RBPJ: variants seen among roughly 807,000 people sequenced by gnomAD.
RBPJ encodes recombination signal binding protein for immunoglobulin kappa J region, also known as recombining binding protein suppressor of hairless.
Under a neutral mutation model 67.8 loss-of-function variants are expected in RBPJ, and 9 were observed. The observed-to-expected ratio is 0.13, with a 90% CI of 0.08 to 0.23. The LOEUF (loss-of-function observed/expected upper bound fraction) is 0.23, where lower values mean the gene tolerates loss of function less well. Among genes scored for constraint, RBPJ ranks in the 10% least tolerant of loss-of-function variants. The pLI, the probability that RBPJ is intolerant of heterozygous loss-of-function variation, is 1.00. For missense variants in RBPJ, 305 were observed against 595.6 expected, an observed-to-expected ratio of 0.51 and a Z score of 5.08; for synonymous variants, 198 against 203.3, an observed-to-expected ratio of 0.97 and a Z score of 0.22.
rs193067892 is a variant in RBPJ at position 26,345,078 on chromosome 4, A to T, written c.20+24030A>T. On this transcript the variant is annotated intron_variant, in intron 1 of 10. Coordinates refer to ENST00000355476, the MANE Select transcript of RBPJ (RefSeq NM_015874.6). Reference sequence around the variant, plus strand: ...GTTCTTTTGTGTGGGACATGTTTTCATGAGGATTTTTGTGCACATTAAAAA... The same window carrying T: ...GTTCTTTTGTGTGGGACATGTTTTCTTGAGGATTTTTGTGCACATTAAAAA... Among the ~76,000 whole-genome samples the T allele has an allele frequency of 2.0e-5, 3 of 152,332 alleles. No homozygotes were observed. In the East Asian group the frequency reaches 5.8e-4, roughly 29 times the overall value.
At chr4:26,277,904 A>G (rs1333587591) in intron 1 of RBPJ, among the ~76,000 whole-genome samples, 2 of 152,208 alleles carry the variant, frequency 1.3e-5, no homozygotes, top group Non-Finnish European at 2.9e-5. Flanking sequence ...TCTAATCTTT[A>G]CAAGTTATTT....
At position 26,356,866 on chromosome 4, in the gene RBPJ, T is replaced by C. The variant is rs143396902; in HGVS notation, c.21-29487T>C. On this transcript the variant is annotated intron_variant, in intron 1 of 10. Transcript: ENST00000355476. The stretch of plus-strand genomic sequence containing the variant: ...GTGCAGTTATACTTTTGATAGATAC[T>C]GCCAAGTTGTTCTTATGTTTCTTTT... Among the ~76,000 whole-genome samples the C allele has an allele frequency of 1.6e-3, 247 of 152,348 alleles. 2 individuals carry two copies. The highest frequency in any genetic ancestry group is 5.7e-3 in the African/African-American group (236 of 41,582).
chr4:26,351,957 A>T (rs1168602090), intron 1 of RBPJ, among the ~76,000 whole-genome samples: 2 of 151,726 alleles, frequency 1.3e-5, no homozygotes, highest in Non-Finnish European at 2.9e-5. Context: ...GGTCGGGGGG[A>T]GGTGTGTGGT....
intron 1 of RBPJ, among the ~76,000 whole-genome samples, chr4:26,177,240 T>C (rs1256161667): frequency 1.3e-5 from 2 of 152,082 alleles, no homozygotes; most frequent in Admixed American, 1.3e-4. Context: ...GGAGGAGACA[T>C]GAGAGGGTGA....
At chr4:26,126,101 C>A in the RBPJ span, among the ~76,000 whole-genome samples, 1 of 152,162 alleles carries the variant, frequency 6.6e-6, no homozygotes, top group Non-Finnish European at 1.5e-5. Context: ...CCTGAAGGAG[C>A]AAACACCAGC....
intron 3 of RBPJ, among the ~76,000 whole-genome samples, chr4:26,411,657 A>G (rs1188002106): frequency 3.9e-5 from 6 of 152,066 alleles, no homozygotes; most frequent in East Asian, 1.9e-4. Flanking sequence ...AGCACTTTCA[A>G]GATAGAACCT....
In RBPJ at chr4:26,431,060, C is replaced by A. The variant is rs1736173984; in HGVS notation, c.*53C>A. ...TGACTTGAGTGTGGCAAAAAGTTAA[C>A]AAAAAAGGAGAAAAAATGAACAATC... On this transcript the variant is annotated 3_prime_UTR_variant, in exon 11 of 11. Transcript: ENST00000355476. 6.8e-6 allele frequency: 10 copies of A among 1,479,494 alleles called. No individual in the cohort carries two copies. In the Admixed American group the frequency reaches 1.1e-4, roughly 17 times the overall value. The allele number at this position is 1,479,494 out of a possible 1,614,324, so 91.6% of individuals were successfully genotyped here.
intron 1 of RBPJ, among the ~76,000 whole-genome samples, chr4:26,246,145 A>G (rs1456826820): frequency 1.3e-5 from 2 of 152,224 alleles, no homozygotes; most frequent in African/African-American, 4.8e-5. Flanking sequence ...CTGTGGATCA[A>G]TTTGGGAACT....
At chr4:26,412,596 G>A (rs73121197) in intron 3 of RBPJ, among the ~76,000 whole-genome samples, 4,468 of 151,796 alleles carry the variant, frequency 0.029, 247 homozygotes, top group African/African-American at 0.1. Context: ...AAGGTCTGGG[G>A]AAAAAAAATT....
At chr4:26,194,334 A>G (rs1432104415) in intron 1 of RBPJ, among the ~76,000 whole-genome samples, 1 of 152,214 alleles carries the variant, frequency 6.6e-6, no homozygotes, top group Non-Finnish European at 1.5e-5. Context: ...TCTCAGCCAG[A>G]TATAAACATG....
At chr4:26,361,455 T>C (rs1055391523) in intron 1 of RBPJ, among the ~76,000 whole-genome samples, 2 of 152,144 alleles carry the variant, frequency 1.3e-5, no homozygotes, top group East Asian at 3.9e-4. Context: ...CCTTAGCACT[T>C]ACTTTTTAGC....
Position 26,432,449 on chromosome 4 carries a change from C to T in RBPJ, c.*1442C>T, listed in dbSNP as rs1373943334. 2.6e-5 allele frequency: 4 copies of T among 152,118 alleles called. No homozygotes were observed. Among genetic ancestry groups the T allele is most frequent in the African/African-American group, 9.7e-5 (4 of 41,410 alleles). The allele number at this position is 152,118 out of a possible 1,614,324, so 9.4% of individuals were successfully genotyped here. ...TCTCTTTTCCAGTACTGAGCATCTC[C>T]ACAAATGTCTCCTAACTCAGAAAAT... On this transcript the variant is annotated 3_prime_UTR_variant, in exon 11 of 11. Transcript: ENST00000355476.
intron 1 of RBPJ, among the ~76,000 whole-genome samples, chr4:26,249,463 C>T (rs996722314): frequency 5.9e-5 from 9 of 152,040 alleles, no homozygotes; most frequent in Non-Finnish European, 1.0e-4. Context: ...AGTTCAAGAC[C>T]AGCCTGGCCA....
chr4:26,206,725 A>C (rs886518708), intron 1 of RBPJ, among the ~76,000 whole-genome samples: 10 of 147,466 alleles, frequency 6.8e-5, no homozygotes, highest in Non-Finnish European at 1.3e-4. Context: ...TTTCAAAACT[A>C]TAAAAACGAA....
Position 26,215,398 on chromosome 4 carries a change from G to GA in RBPJ, c.-167+51786dup, listed in dbSNP as rs1277946334. 9.2e-3 allele frequency among the ~76,000 whole-genome samples: 484 copies of GA among 52,488 alleles called. 6 individuals are homozygous for GA. The highest frequency in any genetic ancestry group is 0.035 in the African/African-American group (469 of 13,380). 34.4% of individuals were successfully genotyped at this position (52,488 alleles called of 152,430 possible). On this transcript the variant is annotated intron_variant, in intron 1 of 4. Coordinates refer to the RBPJ transcript ENST00000512351. ...AGAAGGGAGGGAGGGAGAGAGGAAG[G>GA]AAGGGGGGGGAAGGAAGGAAGGGAG...
rs1440542649 is a variant in RBPJ at position 26,424,060 on chromosome 4, AG to A, written c.497-281del. On this transcript the variant is annotated intron_variant, in intron 5 of 10. Coordinates refer to ENST00000355476, the MANE Select transcript of RBPJ (RefSeq NM_015874.6). The surrounding 1 kb of genome is among the most constrained non-coding windows in gnomAD (Gnocchi z 5.3). ...TTCTACTGTCTAACATTATTTTAAA[AG>A]TAAGTTTTTCTCTAATAATCAGCAC... 1.3e-5 allele frequency among the ~76,000 whole-genome samples: 2 copies of A among 152,224 alleles called. No homozygotes were observed. The highest frequency in any genetic ancestry group is 2.4e-5 in the African/African-American group (1 of 41,458).
intron 1 of RBPJ, among the ~76,000 whole-genome samples, chr4:26,347,311 T>C (rs146712028): frequency 8.6e-5 from 13 of 151,994 alleles, no homozygotes; most frequent in Admixed American, 8.5e-4. Flanking sequence ...ACCTTGGGAG[T>C]GGGCAATATC....
At chr4:26,111,570 G>A in the RBPJ span, among the ~76,000 whole-genome samples, 1 of 152,134 alleles carries the variant, frequency 6.6e-6, no homozygotes, top group African/African-American at 2.4e-5. Flanking sequence ...CGATATGCAT[G>A]TGCATCCCTG....
intron 1 of RBPJ, among the ~76,000 whole-genome samples, chr4:26,259,881 T>TA (rs764605931): frequency 6.6e-6 from 1 of 152,208 alleles, no homozygotes; most frequent in Non-Finnish European, 1.5e-5. Flanking sequence ...AAACTGCTGA[T>TA]TTACTTGGGG....
Sources: gnomAD v4.1 joint callset for allele counts (sites outside exome capture counted in the v4.1 genomes callset) on GRCh38, gnomAD v4.1.1 for gene constraint, Gnocchi (gnomAD v3.1) non-coding constraint, MANE v1.5 for transcripts, NCBI Gene and HGNC (gene_info 2026-07-23, HGNC 2026-07-21) for gene names.